The following HOMER2 variants were observed in gnomAD, a reference collection of about 807,000 sequenced individuals.
HOMER2 encodes the protein homer scaffold protein 2.
Under a neutral mutation model 47.0 loss-of-function variants are expected in HOMER2, and 27 were observed. That is an observed-to-expected ratio of 0.57 (90% CI 0.42 to 0.79). HOMER2 has a LOEUF of 0.79. Among genes scored for constraint, HOMER2 ranks in the 30% least tolerant of loss-of-function variants. HOMER2 has a pLI of 0.00. For synonymous variants in HOMER2, 161 were observed against 163.8 expected (o/e 0.98, Z 0.13); for missense variants, 443 against 435.0 (o/e 1.02, Z -0.16).
At chr15:82,880,422 A>G (rs1476381248) in intron 2 of HOMER2, among the ~76,000 whole-genome samples, 2 of 152,174 alleles carry the variant, frequency 1.3e-5, no homozygotes, top group Non-Finnish European at 2.9e-5. Context: ...TGGATGGGAG[A>G]GCATCTAATT....
At chr15:82,859,210 C>T (rs374975118) in intron 4 of HOMER2, 75 bp from the exon 5 acceptor site, 3 of 1,601,228 alleles carry the variant, frequency 1.9e-6, no homozygotes, top group East Asian at 2.2e-5. Context: ...TGCTTGTCTG[C>T]ACATCGGCAG....
chr15:82,897,238 G>A (rs1436975782), intron 1 of HOMER2, among the ~76,000 whole-genome samples: 1 of 151,790 alleles, frequency 6.6e-6, no homozygotes, highest in Non-Finnish European at 1.5e-5. Context: ...GCTAATTTTT[G>A]TATTTTTAGT....
At chr15:82,834,731 A>G (rs2051104205), downstream of HOMER2, 1 of 152,572 alleles carries the variant, frequency 6.6e-6, no homozygotes, top group Non-Finnish European at 1.5e-5. Flanking sequence ...AACTATTTGC[A>G]ATGCATTAGC....
chr15:82,941,854 C>T (rs932564404), intron 1 of HOMER2, among the ~76,000 whole-genome samples: 3 of 152,154 alleles, frequency 2.0e-5, no homozygotes, highest in Non-Finnish European at 2.9e-5. Context: ...ATCCTTACAA[C>T]AACCCTACAA....
intron 1 of HOMER2, among the ~76,000 whole-genome samples, chr15:82,935,612 C>T (rs1567064081): frequency 6.6e-6 from 1 of 152,172 alleles, no homozygotes; most frequent in African/African-American, 2.4e-5. Flanking sequence ...ATTTGACTCC[C>T]ACACCCCCAT....
At chr15:82,941,878 C>T (rs1053433683) in intron 1 of HOMER2, among the ~76,000 whole-genome samples, 1 of 152,060 alleles carries the variant, frequency 6.6e-6, no homozygotes, top group African/African-American at 2.4e-5. Flanking sequence ...TGGTATAATA[C>T]TATTATTATT....
rs1167880053 is a variant in HOMER2, at chr15:82,856,961, A to G, written c.494+2068T>C. ...ACTAGCCATGTGACCTTGGGCAAGGAGTCACTTTGTCACTTGGAATTCAGT... is the reference window on the plus strand; with the variant it reads ...ACTAGCCATGTGACCTTGGGCAAGGGGTCACTTTGTCACTTGGAATTCAGT... On this transcript the variant is annotated intron_variant, in intron 5 of 8. Transcript: ENST00000450735. Among the ~76,000 whole-genome samples, 3 of 152,172 alleles carry G rather than the reference A, an allele frequency of 2.0e-5. No individual in the cohort carries two copies. The East Asian group carries it at 5.8e-4, about 29-fold the overall frequency.
intron 3 of HOMER2, among the ~76,000 whole-genome samples, chr15:82,868,440 G>A (rs2052048617): frequency 6.7e-6 from 1 of 149,122 alleles, no homozygotes; most frequent in South Asian, 2.1e-4. Context: ...GGAGGGTGGA[G>A]GGTAGGAGGA....
upstream of HOMER2, among the ~76,000 whole-genome samples, chr15:82,955,696 A>G (rs77992115): frequency 6.6e-6 from 1 of 152,338 alleles, no homozygotes; most frequent in African/African-American, 2.4e-5. Context: ...ATATTTGTGA[A>G]GCCTATATAG....
chr15:82,968,918 G>A (rs1213855171), intron 1 of HOMER2, among the ~76,000 whole-genome samples: 2 of 152,212 alleles, frequency 1.3e-5, no homozygotes, highest in Non-Finnish European at 2.9e-5. Context: ...AGTGGTCTGA[G>A]AAATACTGGG....
intron 1 of HOMER2, chr15:82,926,758 C>G (rs1466129722): frequency 2.0e-5 from 3 of 152,188 alleles, no homozygotes. Flanking sequence ...AAGAGGTGAT[C>G]AGACCATGAG....
At position 82,875,215 on chromosome 15, in the gene HOMER2, AC is replaced by A. The variant is rs1469734332; in HGVS notation, c.294+57del. On this transcript the variant is annotated intron_variant, in intron 3 of 8. Coordinates refer to ENST00000450735, the MANE Select transcript of HOMER2 (RefSeq NM_004839.4). ...AGGGCACATCCCTCGGCGGGCAATC[AC>A]TGATGAGAATGGCATCTGATGCGGG... 5.7e-6 allele frequency: 9 copies of A among 1,587,556 alleles called. No individual in the cohort carries two copies. In the East Asian group the frequency reaches 2.0e-4, roughly 36 times the overall value.
chr15:82,948,143 G>A (rs1243310744), intron 1 of HOMER2, among the ~76,000 whole-genome samples: 1 of 151,930 alleles, frequency 6.6e-6, no homozygotes, highest in Non-Finnish European at 1.5e-5. Context: ...TGTAATCCCA[G>A]CACTTTGGGA....
intron 1 of HOMER2, among the ~76,000 whole-genome samples, chr15:82,897,065 C>CTTTT (rs68038013): frequency 0.17 from 17,502 of 101,454 alleles, 2,452 homozygotes; most frequent in South Asian, 0.33. Context: ...GATGTCATTT[C>CTTTT]TTTTTTTTTT....
At chr15:82,901,556 A>AT (rs2053118509) in intron 1 of HOMER2, among the ~76,000 whole-genome samples, 1 of 152,192 alleles carries the variant, frequency 6.6e-6, no homozygotes, top group Non-Finnish European at 1.5e-5. Flanking sequence ...TAGGTTTAGC[A>AT]GATAAGGGAG....
intron 1 of HOMER2, among the ~76,000 whole-genome samples, chr15:82,975,875 C>A (rs1384791559): frequency 1.3e-5 from 2 of 152,076 alleles, no homozygotes; most frequent in Admixed American, 1.3e-4. Context: ...TTGTTTGTAA[C>A]ACAAAGGATA....
chr15:82,978,184 G>A (rs2030271534), intron 1 of HOMER2, among the ~76,000 whole-genome samples: 1 of 151,860 alleles, frequency 6.6e-6, no homozygotes, highest in Non-Finnish European at 1.5e-5. Flanking sequence ...GGAAGGCAGG[G>A]GCAAGATCAA....
rs543914018 is a variant in HOMER2, at chr15:82,873,764, CAG to C, written c.294+1507_294+1508del. 1.4e-3 allele frequency among the ~76,000 whole-genome samples: 208 copies of C among 152,334 alleles called. 1 individual carries two copies. The highest frequency in any genetic ancestry group is 4.5e-3 in the African/African-American group (189 of 41,588). The stretch of plus-strand genomic sequence containing the variant: ...TGGACTTCTCAGGCTTCTAAGGAAA[CAG>C]AGTCTTCGTGGAAGTTCCTTGGGAT... On this transcript the variant is annotated intron_variant, in intron 3 of 8. Transcript: ENST00000450735.
chr15:82,916,128 T>C (rs2053582058), intron 1 of HOMER2, among the ~76,000 whole-genome samples: 1 of 152,198 alleles, frequency 6.6e-6, no homozygotes, highest in African/African-American at 2.4e-5. Context: ...TTGAAACTTC[T>C]TGCCTCAGAG....
Sources: gnomAD v4.1 joint callset for allele counts (sites outside exome capture counted in the v4.1 genomes callset) on GRCh38, gnomAD v4.1.1 for gene constraint, MANE v1.5 for transcripts, NCBI Gene and HGNC (gene_info 2026-07-23, HGNC 2026-07-21) for gene names.